Variants in CYLC2 observed in about 807,000 individuals in gnomAD.
The protein encoded by CYLC2 is cylicin 2, also known as cylicin-2.
A neutral mutation model predicts 26.1 loss-of-function variants in CYLC2; 30 were observed. The ratio of observed to expected loss-of-function variants is 1.15; its 90% confidence interval spans 0.86 to 1.56. CYLC2 has a LOEUF of 1.56. Ranked by LOEUF, CYLC2 falls within the 40% of genes most tolerant of loss-of-function variation. The probability of loss-of-function intolerance (pLI) is 0.00; values close to 1 mark genes in which losing one functional copy is unlikely to be tolerated. For synonymous variants in CYLC2, 158 were observed against 132.8 expected (o/e 1.19, Z -1.31); for missense variants, 498 against 394.4 (o/e 1.26, Z -2.23).
intron 2 of CYLC2, 81 bp from the exon 3 acceptor site, chr9:103,003,061 T>C: frequency 3.3e-6 from 5 of 1,506,846 alleles, no homozygotes; most frequent in Non-Finnish European, 4.5e-6. Flanking sequence ...ATTTACATGA[T>C]ATACGTTGCA....
intron 5 of CYLC2, among the ~76,000 whole-genome samples, chr9:103,010,044 AT>A: frequency 1.3e-5 from 2 of 151,922 alleles, no homozygotes. Context: ...AAAATTTAAA[AT>A]AACCCATATC....
At position 103,005,133 on chromosome 9, in the gene CYLC2, G is replaced by A; in HGVS notation, c.502G>A (p.Ala168Thr). 2 of 1,606,866 alleles carry A rather than the reference G, an allele frequency of 1.2e-6. No homozygotes were observed. ...AGATAGCAAAAAAGGTAAAAAGGAT[G>A]CAGAGAAGGGCAAAGACTCAGCAAC... is the stretch of plus-strand genomic sequence containing the variant. ...KKDSKKGKKD[A>T]EKGKDSATES... Residue 168 changes from alanine (A) to threonine (T), a missense_variant, in exon 5 of 8, where the codon GCA (alanine) becomes ACA (threonine). Ala to Thr is a moderately conservative substitution (Grantham distance 58, BLOSUM62 0). Coordinates refer to ENST00000374798, the MANE Select transcript of CYLC2 (RefSeq NM_001340.5).
chr9:102,995,396 T>C lies in CYLC2; in HGVS notation c.16T>C (p.Phe6Leu). The C allele has an allele frequency of 6.2e-7, 1 of 1,603,642 alleles. No homozygotes were observed. Among genetic ancestry groups the C allele is most frequent in the Non-Finnish European group, 8.5e-7 (1 of 1,171,158 alleles). Residue 6 changes from phenylalanine (F) to leucine (L), a missense_variant and splice_region_variant, in exon 1 of 8, where the codon TTC becomes CTC. Physicochemically the swap from Phe to Leu is conservative, Grantham distance 22. Transcript: ENST00000374798. The stretch of plus-strand genomic sequence containing the variant: ...AGTGGGGAAAATGTCTCTCCCAAGA[T>C]TGTAAGTCAAATTTTATGTTTTAAA... MSLPR[F>L]QRVNFGPYDN... is the part of the protein sequence containing the mutation.
intron 3 of CYLC2, 102 bp from the exon 4 acceptor site, chr9:103,004,593 A>T (rs1829319709): frequency 3.5e-6 from 3 of 866,950 alleles, no homozygotes; most frequent in Non-Finnish European, 4.9e-6. Flanking sequence ...AACAAAAGCT[A>T]AAATCTTTTT....
chr9:103,005,544 A>G lies in CYLC2; in HGVS notation c.913A>G (p.Lys305Glu), dbSNP rs778658742. 1.2e-6 allele frequency: 2 copies of G among 1,610,136 alleles called. No individual in the cohort carries two copies. The highest frequency in any genetic ancestry group is 1.7e-6 in the Non-Finnish European group (2 of 1,177,530). The change falls in exon 5 of 8, where the codon AAG (lysine) becomes GAG (glutamate). Residue 305 changes from lysine to glutamate, a missense_variant. Transcript: ENST00000374798. Reference sequence around the variant, plus strand: ...CACGAAAGATGCCAAGAAAGTTGCCAAGAAAGATACTGAGAAAGAATCTGC... The same window carrying G: ...CACGAAAGATGCCAAGAAAGTTGCCGAGAAAGATACTGAGAAAGAATCTGC... ...DATKDAKKVA[K>E]KDTEKESADS...
intron 6 of CYLC2, among the ~76,000 whole-genome samples, chr9:103,012,832 T>A (rs1033491662): frequency 7.3e-5 from 11 of 151,528 alleles, no homozygotes; most frequent in Non-Finnish European, 1.5e-4. Flanking sequence ...GCTGCCATAG[T>A]CATCATATGA....
At chr9:102,998,314 A>G (rs1829256964) in intron 1 of CYLC2, among the ~76,000 whole-genome samples, 2 of 152,008 alleles carry the variant, frequency 1.3e-5, no homozygotes, top group East Asian at 3.8e-4. Context: ...GATTTAATTT[A>G]AAATTGTGAA....
chr9:103,004,663 A>G, intron 3 of CYLC2, 32 bp from the exon 4 acceptor site: 2 of 1,498,124 alleles, frequency 1.3e-6, no homozygotes, highest in Non-Finnish European at 1.8e-6. Context: ...TTCACTCACA[A>G]GTTGTTCATC....
intron 5 of CYLC2, chr9:103,010,626 A>C (rs1242165403): frequency 6.6e-6 from 1 of 152,110 alleles, no homozygotes; most frequent in Non-Finnish European, 1.5e-5. Flanking sequence ...CAGTTTCTTC[A>C]TATCCTATGT....
rs548073833 is a variant in CYLC2 at position 103,011,473 on chromosome 9, G to T, written c.*701-509G>T. Among the ~76,000 whole-genome samples the T allele has an allele frequency of 2.0e-4, 31 of 152,118 alleles. No individual in the cohort carries two copies. The Middle Eastern group carries it at 0.01, about 50-fold the overall frequency. On this transcript the variant is annotated intron_variant, in intron 5 of 7. Transcript: ENST00000374798. ...GAACTTAAGCTATTTCTATAGAAAA[G>T]GTGACAGTCATTCTGTAATGGTACT...
intron 1 of CYLC2, among the ~76,000 whole-genome samples, chr9:102,996,691 G>T (rs1236141720): frequency 6.6e-6 from 1 of 151,922 alleles, no homozygotes; most frequent in Non-Finnish European, 1.5e-5. Flanking sequence ...TTCTTCTAAG[G>T]ATGGCAGAGC....
At chr9:103,008,738 C>A (rs1404980963) in intron 5 of CYLC2, among the ~76,000 whole-genome samples, 3 of 152,146 alleles carry the variant, frequency 2.0e-5, no homozygotes, top group African/African-American at 7.2e-5. Context: ...TGGTATAATT[C>A]ATTACATTTC....
intron 6 of CYLC2, among the ~76,000 whole-genome samples, chr9:103,012,883 A>G (rs926224580): frequency 1.7e-4 from 25 of 151,380 alleles, no homozygotes; most frequent in Non-Finnish European, 3.1e-4. Flanking sequence ...TTCAGGGTAT[A>G]TACAGAGAAG....
intron 1 of CYLC2, among the ~76,000 whole-genome samples, chr9:102,997,737 A>G (rs922190004): frequency 6.6e-6 from 1 of 151,974 alleles, no homozygotes; most frequent in Non-Finnish European, 1.5e-5. Flanking sequence ...TGAATCCACT[A>G]TATATTTTTA....
intron 5 of CYLC2, chr9:103,010,681 A>G (rs1192894136): frequency 6.6e-6 from 1 of 152,078 alleles, no homozygotes; most frequent in African/African-American, 2.4e-5. Context: ...ATTACATAAA[A>G]TTATATTATT....
intron 6 of CYLC2, among the ~76,000 whole-genome samples, chr9:103,013,191 T>TAAATATATATTTAATATATTATAC (rs1829430524): frequency 1.5e-5 from 2 of 132,284 alleles, no homozygotes; most frequent in African/African-American, 5.6e-5. Context: ...ATATATTATA[T>TAAATATATATTTAATATATTATAC]ATAACATATT....
At chr9:103,015,292 A>G (rs1264280315) in intron 6 of CYLC2, among the ~76,000 whole-genome samples, 28 of 127,286 alleles carry the variant, frequency 2.2e-4, no homozygotes, top group Non-Finnish European at 3.5e-4. Context: ...ATATAATATA[A>G]TTATATGTTA....
At chr9:103,018,235 C>T (rs574717517) in intron 7 of CYLC2, 90 bp from the exon 8 acceptor site, 39 of 152,064 alleles carry the variant, frequency 2.6e-4, no homozygotes, top group African/African-American at 9.4e-4. Context: ...ATTTTCAGAC[C>T]TTCAGCATTT....
chr9:103,012,220 C>CA (rs1486672651), intron 6 of CYLC2, 123 bp downstream of exon 6: 1 of 152,394 alleles, frequency 6.6e-6, no homozygotes, highest in Non-Finnish European at 1.5e-5. Context: ...CTTGGCCTCC[C>CA]AAAGTGCTGG....
Sources: allele counts gnomAD v4.1 joint callset (sites outside exome capture counted in the v4.1 genomes callset), GRCh38; gene constraint gnomAD v4.1.1; transcripts MANE v1.5; gene names NCBI Gene and HGNC (gene_info 2026-07-23, HGNC 2026-07-21).